Variants in STAG1 observed in about 807,000 individuals in gnomAD.
The protein encoded by STAG1 is STAG1 cohesin complex component.
Under a neutral mutation model 170.9 loss-of-function variants are expected in STAG1, and 26 were observed. The observed-to-expected ratio is 0.15, with a 90% confidence interval of 0.11 to 0.21. STAG1 has a LOEUF of 0.21. STAG1 is among the 10% of genes least tolerant of loss of function. The pLI is 1.00. For synonymous variants in STAG1, 514 were observed against 497.7 expected (o/e 1.03, Z -0.44); for missense variants, 964 against 1,509.5 (o/e 0.64, Z 5.99).
intron 9 of STAG1, among the ~76,000 whole-genome samples, chr3:136,492,482 G>A (rs1458117840): frequency 6.6e-6 from 1 of 152,096 alleles, no homozygotes; most frequent in Non-Finnish European, 1.5e-5. Flanking sequence ...ACTGCATGAC[G>A]GAGCCAAGAT....
chr3:136,739,786 T>C lies in STAG1; in HGVS notation c.-84+12409A>G, dbSNP rs181405394. ...TTGCAGTGAGCCGAGATCGCGCCAC[T>C]GCACTCCATCCTGGGCAACAAGAGC... On this transcript the variant is annotated intron_variant, in intron 1 of 33. Coordinates refer to ENST00000383202, the MANE Select transcript of STAG1 (RefSeq NM_005862.3). 8.0e-3 allele frequency among the ~76,000 whole-genome samples: 1,216 copies of C among 151,926 alleles called. 21 individuals carry two copies. Among genetic ancestry groups the C allele is most frequent in the African/African-American group, 0.027 (1,116 of 41,432 alleles).
At chr3:136,524,016 A>C (rs945175538) in intron 6 of STAG1, among the ~76,000 whole-genome samples, 2 of 152,166 alleles carry the variant, frequency 1.3e-5, no homozygotes, top group Non-Finnish European at 2.9e-5. Context: ...TATAGTTTGA[A>C]GTCAGGTAGC....
intron 1 of STAG1, among the ~76,000 whole-genome samples, chr3:136,685,144 A>G (rs760367511): frequency 3.3e-5 from 5 of 152,118 alleles, no homozygotes; most frequent in Non-Finnish European, 5.9e-5. Flanking sequence ...GTGAAACCCC[A>G]TCTCTACTAA....
intron 12 of STAG1, 70 bp downstream of exon 12, chr3:136,472,343 G>A (rs1182525223): frequency 2.8e-6 from 3 of 1,068,814 alleles, no homozygotes; most frequent in Non-Finnish European, 2.8e-6. Context: ...ATATAGATAG[G>A]ACATTAAAAA....
At chr3:136,503,916 T>C (rs1022582297) in intron 7 of STAG1, among the ~76,000 whole-genome samples, 2 of 152,026 alleles carry the variant, frequency 1.3e-5, no homozygotes, top group African/African-American at 2.4e-5. Flanking sequence ...CTGTATTTTT[T>C]AGTAGAGACA....
intron 1 of STAG1, among the ~76,000 whole-genome samples, chr3:136,691,821 AG>A (rs1942732140): frequency 5.9e-5 from 9 of 152,260 alleles, no homozygotes; most frequent in African/African-American, 2.2e-4. Flanking sequence ...GGAACTAAGT[AG>A]ATCATCTACA....
At chr3:136,399,349 C>T (rs954941099) in intron 21 of STAG1, among the ~76,000 whole-genome samples, 10 of 152,144 alleles carry the variant, frequency 6.6e-5, no homozygotes, top group African/African-American at 2.4e-4. Flanking sequence ...AGCACCTCCT[C>T]CCAATATAAT....
chr3:136,500,136 G>T (rs1933390064), intron 9 of STAG1, 87 bp downstream of exon 9: 7 of 824,958 alleles, frequency 8.5e-6, no homozygotes, highest in South Asian at 7.8e-5. Context: ...ATCATAATTA[G>T]TGAGTTTTAC....
chr3:136,750,429 T>C (rs961208346), intron 1 of STAG1, among the ~76,000 whole-genome samples: 1 of 152,204 alleles, frequency 6.6e-6, no homozygotes, highest in Non-Finnish European at 1.5e-5. Flanking sequence ...CCCTACACCA[T>C]AGTGCCTTTA....
intron 1 of STAG1, chr3:136,737,095 G>T: frequency 1.1e-6 from 1 of 929,232 alleles, no homozygotes; most frequent in Non-Finnish European, 1.8e-6. Context: ...GAGGAACCAG[G>T]ACAGGTCAGT....
chr3:136,652,244 T>A (rs969226751), intron 1 of STAG1, among the ~76,000 whole-genome samples: 2 of 152,098 alleles, frequency 1.3e-5, no homozygotes, highest in Non-Finnish European at 2.9e-5. Flanking sequence ...AAAAGACAAA[T>A]ATACTCACAG....
intron 12 of STAG1, among the ~76,000 whole-genome samples, chr3:136,466,842 C>A (rs2089477436): frequency 6.6e-6 from 1 of 152,176 alleles, no homozygotes; most frequent in African/African-American, 2.4e-5. Context: ...GAGTGGAAGC[C>A]AACATCCAAC....
At chr3:136,710,679 A>T (rs1943359382) in intron 1 of STAG1, among the ~76,000 whole-genome samples, 1 of 152,198 alleles carries the variant, frequency 6.6e-6, no homozygotes, top group South Asian at 2.1e-4. Flanking sequence ...GTTTGCCAAG[A>T]AGAAAAATCT....
At chr3:136,681,910 T>C (rs1223052343) in intron 1 of STAG1, among the ~76,000 whole-genome samples, 2 of 152,138 alleles carry the variant, frequency 1.3e-5, no homozygotes, top group Non-Finnish European at 2.9e-5. Flanking sequence ...TACGCACAGC[T>C]AATATCATAC....
chr3:136,608,088 C>T (rs1198055224), intron 3 of STAG1, among the ~76,000 whole-genome samples: 3 of 152,102 alleles, frequency 2.0e-5, no homozygotes, highest in Non-Finnish European at 4.4e-5. Context: ...AAAACCCCAT[C>T]GCTACTAAAA....
At chr3:136,714,946 TA>T (rs1295159748) in intron 1 of STAG1, among the ~76,000 whole-genome samples, 6 of 74,944 alleles carry the variant, frequency 8.0e-5, no homozygotes, top group African/African-American at 2.6e-4. Flanking sequence ...TAAATATATA[TA>T]TATATATATA....
chr3:136,668,390 A>T (rs1941875840), intron 1 of STAG1, among the ~76,000 whole-genome samples: 1 of 146,418 alleles, frequency 6.8e-6, no homozygotes, highest in African/African-American at 2.5e-5. Context: ...ATAATATATA[A>T]AATATATATT....
chr3:136,581,138 A>G (rs531804783), intron 4 of STAG1, among the ~76,000 whole-genome samples: 1 of 152,340 alleles, frequency 6.6e-6, no homozygotes, highest in South Asian at 2.1e-4. Context: ...GGTATGTGCC[A>G]GCAAGCCCAG....
At chr3:136,584,144 C>T (rs2107782977) in intron 4 of STAG1, among the ~76,000 whole-genome samples, 1 of 152,316 alleles carries the variant, frequency 6.6e-6, no homozygotes, top group African/African-American at 2.4e-5. Flanking sequence ...GCTCTCCTGT[C>T]CTGGTACTCT....
Sources: allele counts gnomAD v4.1 joint callset (sites outside exome capture counted in the v4.1 genomes callset), GRCh38; gene constraint gnomAD v4.1.1; transcripts MANE v1.5; gene names NCBI Gene and HGNC (gene_info 2026-07-23, HGNC 2026-07-21).